Variants in DNAH12 observed in about 807,000 individuals in gnomAD.
The protein encoded by DNAH12 is dynein axonemal heavy chain 12, also known as axonemal beta dynein heavy chain 12.
A neutral mutation model predicts 371.5 loss-of-function variants in DNAH12; 285 were observed. That is an observed-to-expected ratio of 0.77 (90% CI 0.70 to 0.85). The LOEUF is 0.85. Ranked by LOEUF, DNAH12 falls within the 40% of genes least tolerant of loss-of-function variation. The pLI is 0.00. For synonymous variants in DNAH12, 1,200 were observed against 1,213.0 expected (o/e 0.99, Z 0.22); for missense variants, 3,611 against 3,689.4 (o/e 0.98, Z 0.55).
chr3:57,430,269 A>T (rs2064916714), intron 32 of DNAH12, among the ~76,000 whole-genome samples: 1 of 152,238 alleles, frequency 6.6e-6, no homozygotes, highest in Non-Finnish European at 1.5e-5. Flanking sequence ...CATTATAGAC[A>T]TCACATCATG....
intron 60 of DNAH12, among the ~76,000 whole-genome samples, chr3:57,338,146 G>C (rs1474803534): frequency 6.6e-6 from 1 of 152,184 alleles, no homozygotes; most frequent in Non-Finnish European, 1.5e-5. Flanking sequence ...CCGAGTGCCT[G>C]GGATTGCAGG....
rs1302234267 is a variant in DNAH12 at position 57,542,766 on chromosome 3, T to G, written c.105A>C (p.Pro35=). 2 of 1,612,768 alleles carry G rather than the reference T, an allele frequency of 1.2e-6. No homozygotes were observed. The highest frequency in any genetic ancestry group is 1.7e-6 in the Non-Finnish European group (2 of 1,179,530). ...TGTATTTTAGCAGCTTACTTTGTGT[T>G]GGTGTATCAACGCCTATGTTTTCTG... ...HLPENIGVDT[P]TQSKLLKYRR... is the part of the protein sequence containing the mutation. The change falls in exon 2 of 74, where the codon CCA becomes CCC. Residue 35 remains proline (P), a synonymous_variant. Transcript: ENST00000495027.
chr3:57,306,754 C>T (rs2061480536), intron 69 of DNAH12, among the ~76,000 whole-genome samples: 1 of 152,152 alleles, frequency 6.6e-6, no homozygotes, highest in African/African-American at 2.4e-5. Context: ...AGCCTATAAA[C>T]TCCCCTTACA....
At chr3:57,322,105 A>G (rs2061819236) in intron 65 of DNAH12, among the ~76,000 whole-genome samples, 1 of 152,236 alleles carries the variant, frequency 6.6e-6, no homozygotes, top group Non-Finnish European at 1.5e-5. Context: ...CTTACAAACT[A>G]AGATTCATTC....
intron 69 of DNAH12, among the ~76,000 whole-genome samples, chr3:57,303,852 C>A (rs912821351): frequency 6.6e-6 from 1 of 152,148 alleles, no homozygotes; most frequent in Non-Finnish European, 1.5e-5. Context: ...GTGACCTGCA[C>A]GTATACATCC....
intron 13 of DNAH12, among the ~76,000 whole-genome samples, chr3:57,478,784 A>G (rs2066628762): frequency 6.6e-6 from 1 of 152,212 alleles, no homozygotes; most frequent in Admixed American, 6.5e-5. Context: ...ATTCTTACAG[A>G]AAAGAATTTT....
rs1024495832 is a variant in DNAH12, at chr3:57,314,541, A to G, written c.10615T>C (p.Tyr3539His). Residue 3539 changes from tyrosine (Y) to histidine (H), a missense_variant, in exon 66 of 74, where the codon TAT becomes CAT. Around this residue, in one of 3 missense-constraint regions of DNAH12, gnomAD observed 2,266 missense variants for 2,236.9 expected, o/e 1.01. Transcript: ENST00000495027. ...CGCAAGTCAGATTCATTAAATCCAT[A>G]TGGAATATTCCAACCAAGAGGACCA... ...KFGPLGWNIP[Y>H]GFNESDLRIS... 6.4e-7 allele frequency: 1 copy of G among 1,551,342 alleles called. No individual in the cohort carries two copies. The highest frequency in any genetic ancestry group is 1.4e-5 in the African/African-American group (1 of 73,140).
chr3:57,403,830 A>G (rs1441218999), intron 42 of DNAH12, among the ~76,000 whole-genome samples: 1 of 152,186 alleles, frequency 6.6e-6, no homozygotes, highest in Non-Finnish European at 1.5e-5. Context: ...TAAGATTTCT[A>G]TGTGAGAAAA....
At chr3:57,401,999 T>C (rs539779217) in intron 43 of DNAH12, among the ~76,000 whole-genome samples, 52 of 152,322 alleles carry the variant, frequency 3.4e-4, no homozygotes, top group African/African-American at 1.2e-3. Context: ...ATACTGTATC[T>C]GTCTAATTTC....
In DNAH12 at chr3:57,449,989, C is replaced by A. The variant is rs575155377; in HGVS notation, c.3786+2854G>T. 2.6e-5 allele frequency among the ~76,000 whole-genome samples: 4 copies of A among 152,288 alleles called. No homozygotes were observed. The South Asian group carries it at 8.3e-4, about 32-fold the overall frequency. ...CCGGGTGGGCACAGTGGCTCACACC[C>A]GTAATCCCAACACTTTGGGAGGCAT... On this transcript the variant is annotated intron_variant, in intron 25 of 73. Transcript: ENST00000495027.
At position 57,296,991 on chromosome 3, in the gene DNAH12, AG is replaced by A; in HGVS notation, c.11395-8del. On this transcript the variant is annotated splice_region_variant and splice_polypyrimidine_tract_variant and intron_variant, in intron 70 of 73. Coordinates refer to ENST00000495027, the MANE Select transcript of DNAH12 (RefSeq NM_001366028.2). ...TTCCTGAATTATACCAGTCCTACAA[AG>A]GGAAAACAAAACACATTATGTCAGT... The A allele has an allele frequency of 6.4e-7, 1 of 1,551,010 alleles. No individual in the cohort carries two copies. Among genetic ancestry groups the A allele is most frequent in the East Asian group, 2.4e-5 (1 of 40,904 alleles).
intron 38 of DNAH12, among the ~76,000 whole-genome samples, chr3:57,414,159 G>GTTTA (rs10662315): frequency 0.56 from 84,701 of 151,514 alleles, 24,887 homozygotes; most frequent in African/African-American, 0.76. Context: ...TTATGTGTGT[G>GTTTA]TTTTTATTTA....
intron 43 of DNAH12, 123 bp downstream of exon 43, chr3:57,403,186 G>A (rs2063922855): frequency 1.0e-6 from 1 of 961,034 alleles, no homozygotes; most frequent in Non-Finnish European, 1.5e-6. Context: ...ATGCTCTATG[G>A]ACAGTATTAG....
chr3:57,425,180 C>G, intron 34 of DNAH12, 39 bp from the exon 35 acceptor site: 1 of 677,172 alleles, frequency 1.5e-6, no homozygotes, highest in Non-Finnish European at 2.7e-6. Flanking sequence ...TAATTTTCAT[C>G]TTATTTAGAA....
intron 17 of DNAH12, among the ~76,000 whole-genome samples, chr3:57,463,973 G>T (rs1297073996): frequency 6.6e-6 from 1 of 151,920 alleles, no homozygotes; most frequent in African/African-American, 2.4e-5. Flanking sequence ...AAGCAGATGA[G>T]CAGACAGTAA....
intron 58 of DNAH12, among the ~76,000 whole-genome samples, chr3:57,358,588 T>A (rs2062851564): frequency 6.6e-6 from 1 of 152,124 alleles, no homozygotes; most frequent in African/African-American, 2.4e-5. Context: ...ACAAATGAAC[T>A]AAAAATAAGT....
At chr3:57,392,416 A>G (rs1366919602) in intron 44 of DNAH12, among the ~76,000 whole-genome samples, 1 of 152,158 alleles carries the variant, frequency 6.6e-6, no homozygotes, top group African/African-American at 2.4e-5. Flanking sequence ...TAAAATATCC[A>G]CATATTAGCA....
upstream of DNAH12, among the ~76,000 whole-genome samples, chr3:57,546,706 G>C (rs535852681): frequency 2.0e-4 from 30 of 152,276 alleles, no homozygotes; most frequent in South Asian, 1.2e-3. Context: ...TCTTGTGTAT[G>C]ATATACCCAC....
intron 11 of DNAH12, among the ~76,000 whole-genome samples, chr3:57,499,330 C>A (rs1445580359): frequency 1.3e-5 from 2 of 151,768 alleles, no homozygotes; most frequent in Non-Finnish European, 2.9e-5. Flanking sequence ...ACTCATATAA[C>A]TGTACAATTA....
Sources: gnomAD v4.1 joint callset for allele counts (sites outside exome capture counted in the v4.1 genomes callset) on GRCh38, gnomAD v4.1.1 for gene constraint, gnomAD v4.1.1 regional missense constraint, MANE v1.5 for transcripts, NCBI Gene and HGNC (gene_info 2026-07-23, HGNC 2026-07-21) for gene names.